The following SNU13 variants were observed in gnomAD, a reference collection of about 807,000 sequenced individuals.
SNU13 encodes the protein small nuclear ribonucleoprotein 13, also known as NHP2-like protein 1.
Under a neutral mutation model 12.4 loss-of-function variants are expected in SNU13, and 2 were observed. The observed-to-expected ratio is 0.16, with a 90% confidence interval of 0.07 to 0.51. SNU13 has a LOEUF of 0.51. Among genes scored for constraint, SNU13 ranks in the 20% least tolerant of loss-of-function variants. SNU13 has a pLI of 0.96. For missense variants in SNU13, 66 were observed against 157.8 expected, an observed-to-expected ratio of 0.42 and a Z score of 3.12; for synonymous variants, 68 against 66.5, an observed-to-expected ratio of 1.02 and a Z score of -0.11.
chr22:41,690,297 GA>G, upstream of SNU13: 1 of 647,536 alleles, frequency 1.5e-6, no homozygotes, highest in Non-Finnish European at 2.8e-6. Context: ...TAGGAAGAAA[GA>G]AATCAAGCAG....
At chr22:41,682,424 C>T in intron 1 of SNU13, 2 of 1,612,660 alleles carry the variant, frequency 1.2e-6, no homozygotes, top group South Asian at 1.1e-5. Context: ...TTTGGACGGT[C>T]TGCTGCCCAG....
intron 1 of SNU13, among the ~76,000 whole-genome samples, chr22:41,683,899 GT>G (rs575071645): frequency 1.6e-4 from 24 of 150,444 alleles, no homozygotes; most frequent in Non-Finnish European, 3.1e-4. Context: ...TAGGAGCAGG[GT>G]TTTTTTTTGT....
At chr22:41,689,222 G>T (rs1406374420), upstream of SNU13, 1 of 444,764 alleles carries the variant, frequency 2.2e-6, no homozygotes, top group Non-Finnish European at 3.0e-6. Context: ...AATTAGCCAG[G>T]CGTGGTGGCG....
chr22:41,674,809 C>T lies in SNU13; in HGVS notation c.*124G>A. 7.4e-7 allele frequency: 1 copy of T among 1,347,120 alleles called. No homozygotes were observed. Among genetic ancestry groups the T allele is most frequent in the Non-Finnish European group, 1.0e-6 (1 of 993,230 alleles). The allele number at this position is 1,347,120 out of a possible 1,614,324, so 83.4% of individuals were successfully genotyped here. A position where few individuals can be genotyped will look rare whatever the true frequency, so the allele number is the denominator to read the frequency against. ...AAAAACAACACAAAAATCCAGAAAC[C>T]AGATTTAGTACTACATTTTATAACA... On this transcript the variant is annotated 3_prime_UTR_variant, in exon 3 of 3. Transcript: ENST00000401959.
chr22:41,678,121 G>A (rs998121657), intron 2 of SNU13, among the ~76,000 whole-genome samples: 1 of 151,930 alleles, frequency 6.6e-6, no homozygotes, highest in Non-Finnish European at 1.5e-5. Context: ...GACTATAGGC[G>A]CCCGCCACCA....
chr22:41,679,933 C>T (rs2068248191), intron 2 of SNU13: 1 of 182,040 alleles, frequency 5.5e-6, no homozygotes, highest in African/African-American at 2.4e-5. Context: ...GCATTAATAT[C>T]CCTTTCCTTC....
In SNU13 at chr22:41,688,789, C is replaced by T. The variant is rs2068334454; in HGVS notation, c.3+5G>A. 6.2e-7 allele frequency: 1 copy of T among 1,601,606 alleles called. No homozygotes were observed. Among genetic ancestry groups the T allele is most frequent in the South Asian group, 1.1e-5 (1 of 90,530 alleles). The stretch of plus-strand genomic sequence containing the variant: ...CCCGGTCCCTCGGCCGGCGCACGCA[C>T]TCACCATGGCTGCGGTTCCGCGGGC... On this transcript the variant is annotated splice_donor_5th_base_variant and intron_variant, in intron 1 of 2. Coordinates refer to ENST00000401959, the MANE Select transcript of SNU13 (RefSeq NM_001003796.2).
rs1025624642 is a variant in SNU13 at position 41,674,770 on chromosome 22, C to T, written c.*163G>A. ...GAGGAAAGGAAGGGGGATAGCAACCCTGTAAAACAGAACAAAAACAACACA... is the reference window on the plus strand; with the variant it reads ...GAGGAAAGGAAGGGGGATAGCAACCTTGTAAAACAGAACAAAAACAACACA... On this transcript the variant is annotated 3_prime_UTR_variant, in exon 3 of 3. Coordinates refer to ENST00000401959, the MANE Select transcript of SNU13 (RefSeq NM_001003796.2). 4 of 951,364 alleles carry T rather than the reference C, an allele frequency of 4.2e-6. No individual in the cohort carries two copies. In the Admixed American group the frequency reaches 8.7e-5, roughly 21 times the overall value. 58.9% of individuals were successfully genotyped at this position (951,364 alleles called of 1,614,324 possible). A position where few individuals can be genotyped will look rare whatever the true frequency, so the allele number is the denominator to read the frequency against.
chr22:41,674,620 C>G lies in SNU13; in HGVS notation c.*313G>C. The G allele has an allele frequency of 2.9e-6, 1 of 340,334 alleles. No individual in the cohort carries two copies. The highest frequency in any genetic ancestry group is 5.5e-6 in the Non-Finnish European group (1 of 180,418). The allele number at this position is 340,334 out of a possible 1,614,324, so 21.1% of individuals were successfully genotyped here. On this transcript the variant is annotated 3_prime_UTR_variant, in exon 3 of 3. Transcript: ENST00000401959. ...CTGAAAGCTGGAACCAGATCTCTGT[C>G]CTGGCTCCATCAGCTTTCTCCTGGC...
chr22:41,686,461 C>T (rs566296196), intron 1 of SNU13, among the ~76,000 whole-genome samples: 17 of 151,846 alleles, frequency 1.1e-4, no homozygotes, highest in Non-Finnish European at 1.9e-4. Flanking sequence ...TGCACCACCA[C>T]GCCCAGCTAA....
intron 1 of SNU13, chr22:41,688,396 C>T (rs1461026680): frequency 1.2e-5 from 2 of 173,140 alleles, no homozygotes; most frequent in African/African-American, 4.7e-5. Flanking sequence ...TCCCAGGGTC[C>T]CACGCCATCG....
In SNU13 at chr22:41,675,184, G is replaced by C; in HGVS notation, c.136C>G (p.Leu46Val). 6.2e-7 allele frequency: 1 copy of C among 1,613,496 alleles called. No individual in the cohort carries two copies. Among genetic ancestry groups the C allele is most frequent in the Non-Finnish European group, 8.5e-7 (1 of 1,179,958 alleles). Residue 46 changes from leucine (L) to valine (V), a missense_variant, in exon 3 of 3, where the codon CTC (leucine) becomes GTC (valine). Coordinates refer to ENST00000401959, the MANE Select transcript of SNU13 (RefSeq NM_001003796.2). ...ATGAACTCAGAGATGCCCCTGTTGA[G>C]GGTTTTGGTGGCTGCGGAGAGAAGG... Reference protein sequence around the residue: ...RKGANEATKTLNRGISEFIVM... With the variant: ...RKGANEATKTVNRGISEFIVM...
rs947304407 is a variant in SNU13, at chr22:41,674,874, A to G, written c.*59T>C. On this transcript the variant is annotated 3_prime_UTR_variant, in exon 3 of 3. Transcript: ENST00000401959. ...AAAATACTACATGCTAACACAGATA[A>G]TATGATACACAACCTCAGGGGGGAA... is the stretch of plus-strand genomic sequence containing the variant. The G allele has an allele frequency of 6.3e-7, 1 of 1,584,558 alleles. No homozygotes were observed. The highest frequency in any genetic ancestry group is 1.3e-5 in the African/African-American group (1 of 74,108).
At chr22:41,684,981 C>T (rs914987829) in intron 1 of SNU13, among the ~76,000 whole-genome samples, 1 of 151,954 alleles carries the variant, frequency 6.6e-6, no homozygotes, top group African/African-American at 2.4e-5. Context: ...ATGGTGAAAC[C>T]CCCGTCTCTA....
chr22:41,688,760 G>A, intron 1 of SNU13, 34 bp downstream of exon 1: 2 of 1,597,762 alleles, frequency 1.3e-6, no homozygotes, highest in Non-Finnish European at 1.7e-6. Context: ...TGAGTCTCCC[G>A]CTTCCCGGTC....
chr22:41,675,456 T>C (rs1009997023), intron 2 of SNU13, among the ~76,000 whole-genome samples: 1 of 151,788 alleles, frequency 6.6e-6, no homozygotes, highest in African/African-American at 2.4e-5. Context: ...GGAGTCTTGC[T>C]CTGTCACACA....
At chr22:41,682,456 C>CCGCCCCCAAGAGCAGGAAGTGA in intron 1 of SNU13, 2 of 1,604,520 alleles carry the variant, frequency 1.2e-6, no homozygotes, top group Non-Finnish European at 1.7e-6. Flanking sequence ...CACGGATGCC[C>CCGCCCCCAAGAGCAGGAAGTGA]CGCCCCCAAG....
upstream of SNU13, chr22:41,690,343 G>A (rs2068349614): frequency 2.8e-6 from 2 of 710,830 alleles, no homozygotes; most frequent in African/African-American, 3.5e-5. Context: ...CACATTCAGG[G>A]AACTTAATCT....
chr22:41,683,483 T>C (rs539453723), intron 1 of SNU13, among the ~76,000 whole-genome samples: 54 of 152,218 alleles, frequency 3.5e-4, no homozygotes, highest in Admixed American at 2.6e-3. Context: ...TCAAGCAATC[T>C]TCCTGCCTGG....
Sources: allele counts gnomAD v4.1 joint callset (sites outside exome capture counted in the v4.1 genomes callset), GRCh38; gene constraint gnomAD v4.1.1; transcripts MANE v1.5; gene names NCBI Gene and HGNC (gene_info 2026-07-23, HGNC 2026-07-21).